GALNT7: variants seen among roughly 807,000 people sequenced by gnomAD.
GALNT7 encodes N-acetylgalactosaminyltransferase 7.
Under a neutral mutation model 82.1 loss-of-function variants are expected in GALNT7, and 60 were observed. That is an observed-to-expected ratio of 0.73 (90% confidence interval 0.59 to 0.91). The LOEUF (loss-of-function observed/expected upper bound fraction) is 0.91, where lower values mean the gene tolerates loss of function less well. Among genes scored for constraint, GALNT7 ranks in the 40% least tolerant of loss-of-function variants. GALNT7 has a pLI of 0.00. For synonymous variants in GALNT7, 243 were observed against 275.1 expected (o/e 0.88, Z 1.15); for missense variants, 660 against 804.2 (o/e 0.82, Z 2.17).
intron 1 of GALNT7, among the ~76,000 whole-genome samples, chr4:173,213,188 A>C (rs1324074069): frequency 6.6e-6 from 1 of 151,706 alleles, no homozygotes; most frequent in Non-Finnish European, 1.5e-5. Context: ...CCTTAAAACA[A>C]AAAATGTGAT....
At position 173,186,178 on chromosome 4, in the gene GALNT7, T is replaced by C. The variant is rs562313762; in HGVS notation, c.126+17217T>C. ...AAAATTGCGTTGATAACCATGAACA[T>C]TAATCCTTATGAATACTAAATGTTC... On this transcript the variant is annotated intron_variant, in intron 1 of 11. Transcript: ENST00000265000. 4.6e-5 allele frequency among the ~76,000 whole-genome samples: 7 copies of C among 152,358 alleles called. No homozygotes were observed. In the South Asian group the frequency reaches 1.5e-3, roughly 32 times the overall value.
intron 5 of GALNT7, among the ~76,000 whole-genome samples, chr4:173,296,443 T>TGTGGCAA (rs1344001984): frequency 6.6e-6 from 1 of 152,180 alleles, no homozygotes; most frequent in African/African-American, 2.4e-5. Context: ...AACACGTCCA[T>TGTGGCAA]GTGGCAAATG....
intron 2 of GALNT7, among the ~76,000 whole-genome samples, chr4:173,291,401 A>G (rs556288477): frequency 1.3e-5 from 2 of 152,148 alleles, no homozygotes; most frequent in African/African-American, 4.8e-5. Flanking sequence ...GTCCCTCCCA[A>G]CTTTGGGTTA....
At chr4:173,203,548 C>G (rs1443594228) in intron 1 of GALNT7, among the ~76,000 whole-genome samples, 1 of 152,182 alleles carries the variant, frequency 6.6e-6, no homozygotes, top group East Asian at 1.9e-4. Flanking sequence ...CTGCTCTTCT[C>G]TCTTGCTATC....
chr4:173,294,976 G>A (rs923766124), intron 3 of GALNT7, among the ~76,000 whole-genome samples: 4 of 152,140 alleles, frequency 2.6e-5, no homozygotes, highest in African/African-American at 9.7e-5. Flanking sequence ...CCTATACCCT[G>A]TGTGGATTCC....
intron 2 of GALNT7, among the ~76,000 whole-genome samples, chr4:173,258,099 TA>T (rs1344618893): frequency 6.6e-6 from 1 of 152,248 alleles, no homozygotes; most frequent in African/African-American, 2.4e-5. Flanking sequence ...GAAGTCTGTG[TA>T]AACACAACTA....
intron 1 of GALNT7, among the ~76,000 whole-genome samples, chr4:173,183,058 AC>A: frequency 7.8e-6 from 1 of 128,448 alleles, no homozygotes; most frequent in Non-Finnish European, 1.6e-5. Flanking sequence ...ACACACACAC[AC>A]ACACACACAC....
rs1454998518 is a variant in GALNT7 at position 173,260,909 on chromosome 4, C to T, written c.587+12469C>T. Reference sequence around the variant, plus strand: ...TGGTGAACCCATGAGTGATGGTACTCATAGTGGTGGTGAATTTAATCAACG... The same window carrying T: ...TGGTGAACCCATGAGTGATGGTACTTATAGTGGTGGTGAATTTAATCAACG... On this transcript the variant is annotated intron_variant, in intron 2 of 11. Coordinates refer to ENST00000265000, the MANE Select transcript of GALNT7 (RefSeq NM_017423.3). 3.9e-5 allele frequency among the ~76,000 whole-genome samples: 6 copies of T among 152,234 alleles called. No homozygotes were observed. The South Asian group carries it at 8.3e-4, about 21-fold the overall frequency.
chr4:173,212,735 AT>A (rs1733321112), intron 1 of GALNT7, among the ~76,000 whole-genome samples: 3 of 19,462 alleles, frequency 1.5e-4, no homozygotes, highest in African/African-American at 2.1e-4. Context: ...ATTTTGACAC[AT>A]GTCTATTGGA....
intron 1 of GALNT7, among the ~76,000 whole-genome samples, chr4:173,193,781 G>A (rs1047167791): frequency 3.9e-5 from 6 of 151,980 alleles, no homozygotes; most frequent in African/African-American, 1.4e-4. Flanking sequence ...GGTGGTTAAG[G>A]TTTTCATTTT....
rs75731353 is a variant in GALNT7, at chr4:173,313,941, A to T, written c.1390-17A>T. ...TATTTTTATAACGATATATATATAT[A>T]TATTTTTTTTTTACAGAATTATGTT... On this transcript the variant is annotated splice_polypyrimidine_tract_variant and intron_variant, in intron 8 of 11. Transcript: ENST00000265000. 29,810 of 1,083,442 alleles carry T rather than the reference A, an allele frequency of 0.028. 319 individuals carry two copies. The highest frequency in any genetic ancestry group is 0.06 in the East Asian group (2,326 of 38,672). The allele number at this position is 1,083,442 out of a possible 1,614,324, so 67.1% of individuals were successfully genotyped here.
At chr4:173,265,605 C>CAA (rs998482516) in intron 2 of GALNT7, among the ~76,000 whole-genome samples, 8 of 148,836 alleles carry the variant, frequency 5.4e-5, no homozygotes, top group Admixed American at 2.7e-4. Context: ...CTCTCTCTCT[C>CAA]TCTCTCTCTC....
chr4:173,301,831 C>T (rs1445757952), intron 6 of GALNT7, among the ~76,000 whole-genome samples: 1 of 152,200 alleles, frequency 6.6e-6, no homozygotes, highest in Non-Finnish European at 1.5e-5. Flanking sequence ...TTGTAATGAG[C>T]TACAGTTTCA....
intron 2 of GALNT7, among the ~76,000 whole-genome samples, chr4:173,271,089 C>G (rs1395141348): frequency 6.6e-6 from 1 of 152,100 alleles, no homozygotes; most frequent in Non-Finnish European, 1.5e-5. Flanking sequence ...TAAAATATGC[C>G]CTTGCTTTTT....
chr4:173,308,528 C>A (rs545943045), intron 8 of GALNT7, among the ~76,000 whole-genome samples: 2 of 152,078 alleles, frequency 1.3e-5, no homozygotes, highest in South Asian at 4.1e-4. Flanking sequence ...TATCTCTTGT[C>A]CCTCAAAGAT....
chr4:173,318,896 G>T (rs1381153435), intron 11 of GALNT7, among the ~76,000 whole-genome samples: 8 of 151,974 alleles, frequency 5.3e-5, no homozygotes, highest in African/African-American at 1.9e-4. Context: ...AAATGTAAAT[G>T]AATCATTCAT....
chr4:173,175,335 A>G (rs1373773765), intron 1 of GALNT7, among the ~76,000 whole-genome samples: 1 of 152,232 alleles, frequency 6.6e-6, no homozygotes, highest in East Asian at 1.9e-4. Flanking sequence ...ACCACCCTCT[A>G]TTGCAAGTCC....
At position 173,292,611 on chromosome 4, in the gene GALNT7, C is replaced by T. The variant is rs537315177; in HGVS notation, c.754+337C>T. On this transcript the variant is annotated intron_variant, in intron 3 of 11. Transcript: ENST00000265000. This position sits in a 1 kb window ranked among gnomAD's most constrained non-coding sequence, Gnocchi z 4.8. ...ACATAGGTAGCATGAAAATATCGTT[C>T]AAAATGGCTTTATAAAAAAGCTTCC... Among the ~76,000 whole-genome samples the T allele has an allele frequency of 2.4e-4, 36 of 152,250 alleles. No homozygotes were observed. In the South Asian group the frequency reaches 7.0e-3, roughly 30 times the overall value.
In GALNT7 at chr4:173,243,006, A is replaced by C. The variant is rs559975345; in HGVS notation, c.127-4974A>C. ...GGCTCATGAAGCATGATAACCAAGT[A>C]GTGTGCATGTTGTTCAAGCAGTGGC... On this transcript the variant is annotated intron_variant, in intron 1 of 11. Transcript: ENST00000265000. 5.4e-4 allele frequency among the ~76,000 whole-genome samples: 82 copies of C among 152,318 alleles called. 1 individual carries two copies. The highest frequency in any genetic ancestry group is 1.5e-3 in the African/African-American group (64 of 41,570).
Sources: gnomAD v4.1 joint callset for allele counts (sites outside exome capture counted in the v4.1 genomes callset) on GRCh38, gnomAD v4.1.1 for gene constraint, Gnocchi (gnomAD v3.1) non-coding constraint, MANE v1.5 for transcripts, NCBI Gene and HGNC (gene_info 2026-07-23, HGNC 2026-07-21) for gene names.